The following CD226 variants were observed in gnomAD, a reference collection of about 807,000 sequenced individuals.
The protein encoded by CD226 is CD226 molecule, also known as CD226 antigen.
CD226 carries 24 observed loss-of-function variants against 34.9 expected under a neutral mutation model. The observed-to-expected ratio is 0.69, with a 90% CI of 0.50 to 0.97. CD226 has a LOEUF of 0.97. CD226 is among the 50% of genes least tolerant of loss of function. The pLI is 0.00. For missense variants in CD226, 397 were observed against 412.7 expected (o/e 0.96, Z 0.33); for synonymous variants, 148 against 147.4 (o/e 1.00, Z -0.03).
intron 2 of CD226, among the ~76,000 whole-genome samples, chr18:69,925,050 T>G (rs1232691916): frequency 6.6e-6 from 1 of 152,228 alleles, no homozygotes; most frequent in Non-Finnish European, 1.5e-5. Context: ...ACCTAACTCA[T>G]GAACTGAACA....
At position 69,861,544 on chromosome 18, in the gene CD226, A is replaced by G. The variant is rs952555592; in HGVS notation, c.*2770T>C. 3 of 93,644 alleles carry G rather than the reference A, an allele frequency of 3.2e-5. No homozygotes were observed. Among genetic ancestry groups the G allele is most frequent in the Non-Finnish European group, 6.6e-5 (3 of 45,446 alleles). The allele number at this position is 93,644 out of a possible 1,614,324, so 5.8% of individuals were successfully genotyped here. Reference sequence around the variant, plus strand: ...ATCCATCGATATAAATTATATGTGTATATATATATGTATATATATATATAT... The same window carrying G: ...ATCCATCGATATAAATTATATGTGTGTATATATATGTATATATATATATAT... On this transcript the variant is annotated 3_prime_UTR_variant, in exon 6 of 6. Transcript: ENST00000582621.
At chr18:69,896,177 A>G in intron 2 of CD226, 132 bp from the exon 3 acceptor site, 1 of 1,371,610 alleles carries the variant, frequency 7.3e-7, no homozygotes, top group Admixed American at 3.6e-5. Flanking sequence ...ACCTCTTTAT[A>G]CTACTTTTTT....
Position 69,896,235 on chromosome 18 carries a change from G to T in CD226, c.383-190C>A, listed in dbSNP as rs552645821. ...CTTGCTCTGTCACCCAGACTAGAGT[G>T]CAGTGGTGTGATCTCGGCTCAATGC... On this transcript the variant is annotated intron_variant, in intron 2 of 5. Coordinates refer to ENST00000582621, the MANE Select transcript of CD226 (RefSeq NM_001303618.2). 3.5e-3 allele frequency: 2,770 copies of T among 801,530 alleles called. 6 individuals carry two copies. The highest frequency in any genetic ancestry group is 3.8e-3 in the Non-Finnish European group (2,536 of 663,796). 49.7% of individuals were successfully genotyped at this position (801,530 alleles called of 1,614,324 possible). A position where few individuals can be genotyped will look rare whatever the true frequency, so the allele number is the denominator to read the frequency against.
chr18:69,910,866 G>C (rs905790081), intron 2 of CD226, among the ~76,000 whole-genome samples: 1 of 152,108 alleles, frequency 6.6e-6, no homozygotes, highest in African/African-American at 2.4e-5. Flanking sequence ...GTCTATAAAA[G>C]AAAAGAAACA....
At position 69,895,631 on chromosome 18, in the gene CD226, A is replaced by G; in HGVS notation, c.727+70T>C. ...AAATGAACATGTTTACCATAAATAA[A>G]AACAGAGACCAGCCCACGGGGCTGG... On this transcript the variant is annotated intron_variant, in intron 3 of 5. Coordinates refer to ENST00000582621, the MANE Select transcript of CD226 (RefSeq NM_001303618.2). The G allele has an allele frequency of 2.6e-6, 3 of 1,144,804 alleles. No homozygotes were observed. In the South Asian group the frequency reaches 4.3e-5, roughly 16 times the overall value. 70.9% of individuals were successfully genotyped at this position (1,144,804 alleles called of 1,614,324 possible). A position where few individuals can be genotyped will look rare whatever the true frequency, so the allele number is the denominator to read the frequency against.
chr18:69,934,279 T>TACACACAC (rs760259895), intron 2 of CD226, among the ~76,000 whole-genome samples: 2,354 of 73,160 alleles, frequency 0.032, 43 homozygotes, highest in African/African-American at 0.05. Context: ...ACACAGAGGA[T>TACACACAC]ACACACACAC....
intron 3 of CD226, among the ~76,000 whole-genome samples, chr18:69,886,284 C>G (rs1984551393): frequency 6.6e-6 from 1 of 152,188 alleles, no homozygotes; most frequent in African/African-American, 2.4e-5. Flanking sequence ...CGAGTAAATT[C>G]TCAGAACAGC....
upstream of CD226, chr18:69,961,579 C>A (rs956851358): frequency 6.6e-6 from 1 of 152,228 alleles, no homozygotes; most frequent in African/African-American, 2.4e-5. Flanking sequence ...GAAATCCACA[C>A]CCTGGTTCTT....
At chr18:69,927,407 T>C (rs956892511) in intron 2 of CD226, among the ~76,000 whole-genome samples, 3 of 150,360 alleles carry the variant, frequency 2.0e-5, no homozygotes, top group Non-Finnish European at 4.4e-5. Flanking sequence ...CACACACACA[T>C]ATACCATCTT....
chr18:69,892,715 A>G (rs1008105031), intron 3 of CD226, among the ~76,000 whole-genome samples: 3 of 152,046 alleles, frequency 2.0e-5, no homozygotes, highest in Non-Finnish European at 4.4e-5. Flanking sequence ...CTGAAGATGA[A>G]TGCAGGCAGG....
At chr18:69,890,458 A>G (rs1169769320) in intron 3 of CD226, among the ~76,000 whole-genome samples, 1 of 152,082 alleles carries the variant, frequency 6.6e-6, no homozygotes, top group Non-Finnish European at 1.5e-5. Flanking sequence ...GTCTCAAAAA[A>G]TAAATAAATA....
intron 2 of CD226, among the ~76,000 whole-genome samples, chr18:69,919,477 T>C (rs188948869): frequency 1.3e-5 from 2 of 152,306 alleles, no homozygotes; most frequent in African/African-American, 2.4e-5. Flanking sequence ...TAAAGGATCA[T>C]CCAGGAAGTA....
chr18:69,912,742 G>A (rs757331724), intron 2 of CD226, among the ~76,000 whole-genome samples: 3 of 152,174 alleles, frequency 2.0e-5, no homozygotes, highest in Non-Finnish European at 4.4e-5. Context: ...CTTTGCATAT[G>A]CAGTACTATT....
intron 2 of CD226, among the ~76,000 whole-genome samples, chr18:69,911,330 C>T (rs1323248160): frequency 1.3e-5 from 2 of 152,136 alleles, no homozygotes; most frequent in Non-Finnish European, 2.9e-5. Flanking sequence ...TGAACACCGG[C>T]ATCCTTTCTC....
chr18:69,887,342 C>A (rs200107969), intron 3 of CD226, among the ~76,000 whole-genome samples: 1 of 140,560 alleles, frequency 7.1e-6, no homozygotes, highest in Non-Finnish European at 1.6e-5. Flanking sequence ...CACACACACA[C>A]AAATTAAAAG....
intron 2 of CD226, among the ~76,000 whole-genome samples, chr18:69,904,386 G>A (rs1041242902): frequency 1.3e-5 from 2 of 152,178 alleles, no homozygotes; most frequent in Admixed American, 1.3e-4. Flanking sequence ...TTGTGATTCA[G>A]ATTACCCAGG....
chr18:69,862,380 T>C lies in CD226; in HGVS notation c.*1934A>G, dbSNP rs1054981146. 1 of 152,186 alleles carries C rather than the reference T, an allele frequency of 6.6e-6. No homozygotes were observed. The highest frequency in any genetic ancestry group is 1.5e-5 in the Non-Finnish European group (1 of 67,992). The allele number at this position is 152,186 out of a possible 1,614,324, so 9.4% of individuals were successfully genotyped here. On this transcript the variant is annotated 3_prime_UTR_variant, in exon 6 of 6. Transcript: ENST00000582621. ...AATTGATGCTAAGCTTGCTTCACCA[T>C]GCAAACCAATAAATTCACTCACAGA...
chr18:69,896,156 C>T (rs946284206), intron 2 of CD226, 111 bp from the exon 3 acceptor site: 5 of 1,446,588 alleles, frequency 3.5e-6, no homozygotes, highest in East Asian at 5.0e-5. Context: ...ACAGTTCTTC[C>T]GTTGTGAATG....
chr18:69,939,642 G>C (rs1414784726), intron 2 of CD226, among the ~76,000 whole-genome samples: 1 of 152,166 alleles, frequency 6.6e-6, no homozygotes, highest in Non-Finnish European at 1.5e-5. Context: ...CATAGGATTT[G>C]GGGTTTTTAA....
Sources: allele counts gnomAD v4.1 joint callset (sites outside exome capture counted in the v4.1 genomes callset), GRCh38; gene constraint gnomAD v4.1.1; transcripts MANE v1.5; gene names NCBI Gene and HGNC (gene_info 2026-07-23, HGNC 2026-07-21).